The following FHIT variants were observed in gnomAD, a reference collection of about 807,000 sequenced individuals.
The protein encoded by FHIT is bis(5'-adenosyl)-triphosphatase.
FHIT carries 19 observed loss-of-function variants against 17.9 expected under a neutral mutation model. That is an observed-to-expected ratio of 1.06 (90% CI 0.74 to 1.56). The LOEUF (loss-of-function observed/expected upper bound fraction) is 1.56, where lower values mean the gene tolerates loss of function less well. FHIT is among the 40% of genes most tolerant of loss of function. The pLI is 0.00. For missense variants in FHIT, 248 were observed against 189.2 expected (o/e 1.31, Z -1.82); for synonymous variants, 81 against 69.7 (o/e 1.16, Z -0.81).
chr3:59,755,453 G>C (rs1701165989), intron 8 of FHIT, among the ~76,000 whole-genome samples: 1 of 152,210 alleles, frequency 6.6e-6, no homozygotes, highest in Non-Finnish European at 1.5e-5. Context: ...TTCTTGCCTG[G>C]CTAACGGAGA....
intron 4 of FHIT, chr3:60,537,398 C>T (rs767467728): frequency 5.3e-4 from 431 of 814,122 alleles, no homozygotes; most frequent in Non-Finnish European, 6.3e-4. Context: ...TTAAATGCTT[C>T]TCTCAAATGG....
At chr3:60,037,628 C>G (rs749285669) in intron 5 of FHIT, among the ~76,000 whole-genome samples, 2 of 151,930 alleles carry the variant, frequency 1.3e-5, no homozygotes, top group African/African-American at 4.8e-5. Context: ...GTGATCCGCC[C>G]GACTTGGCCT....
chr3:60,356,753 CAAAAAAAAAAAAAAAAAA>C (rs57588436), intron 5 of FHIT, among the ~76,000 whole-genome samples: 1 of 58,680 alleles, frequency 1.7e-5, no homozygotes, highest in Non-Finnish European at 3.0e-5. Context: ...AAGACAGAGA[CAAAAAAAAAAAAAAAAAA>C]AAAAAAAAAC....
intron 5 of FHIT, among the ~76,000 whole-genome samples, chr3:60,268,412 C>A (rs1468358749): frequency 6.6e-6 from 1 of 152,162 alleles, no homozygotes; most frequent in African/African-American, 2.4e-5. Context: ...TTGTTTATGG[C>A]TGTATATCCT....
intron 7 of FHIT, among the ~76,000 whole-genome samples, chr3:60,000,258 T>C (rs1348748468): frequency 6.6e-6 from 1 of 152,226 alleles, no homozygotes; most frequent in Non-Finnish European, 1.5e-5. Flanking sequence ...AAGTCATTAC[T>C]GTGGCAGAGA....
intron 2 of FHIT, among the ~76,000 whole-genome samples, chr3:61,088,589 TG>T (rs2035376764): frequency 6.6e-6 from 1 of 152,104 alleles, no homozygotes; most frequent in Non-Finnish European, 1.5e-5. Flanking sequence ...GAAAATATAT[TG>T]GAAACTGTGC....
intron 5 of FHIT, among the ~76,000 whole-genome samples, chr3:60,502,156 G>A (rs1217738556): frequency 6.6e-6 from 1 of 152,186 alleles, no homozygotes; most frequent in East Asian, 1.9e-4. Flanking sequence ...GGTGTCCCAG[G>A]ACCTTGTTCT....
chr3:60,031,570 G>A (rs913933994), intron 5 of FHIT, among the ~76,000 whole-genome samples: 1 of 151,934 alleles, frequency 6.6e-6, no homozygotes, highest in Non-Finnish European at 1.5e-5. Flanking sequence ...TGCAAAATGG[G>A]GCTTATTTAT....
At chr3:60,321,085 T>C (rs1189991797) in intron 5 of FHIT, among the ~76,000 whole-genome samples, 1 of 152,198 alleles carries the variant, frequency 6.6e-6, no homozygotes, top group African/African-American at 2.4e-5. Flanking sequence ...TTTCTCTCCT[T>C]TGTGGAGGCT....
intron 2 of FHIT, among the ~76,000 whole-genome samples, chr3:61,080,898 G>C (rs980042860): frequency 6.6e-6 from 1 of 151,944 alleles, no homozygotes; most frequent in Non-Finnish European, 1.5e-5. Flanking sequence ...AATCTGCAGA[G>C]AACTCAGAGA....
intron 5 of FHIT, among the ~76,000 whole-genome samples, chr3:60,227,600 G>T (rs992594894): frequency 2.6e-5 from 4 of 152,100 alleles, no homozygotes; most frequent in African/African-American, 9.7e-5. Flanking sequence ...AACAATCAAC[G>T]AACACTGATT....
At chr3:60,494,389 T>C (rs1008209792) in intron 5 of FHIT, among the ~76,000 whole-genome samples, 1 of 152,100 alleles carries the variant, frequency 6.6e-6, no homozygotes, top group Admixed American at 6.5e-5. Flanking sequence ...CATGTTTTGA[T>C]ACAGACATGC....
chr3:61,098,748 G>A (rs1434241692), intron 2 of FHIT, among the ~76,000 whole-genome samples: 4 of 152,106 alleles, frequency 2.6e-5, no homozygotes, highest in Non-Finnish European at 4.4e-5. Flanking sequence ...TTGGCTCTCG[G>A]CTTGACTATT....
intron 3 of FHIT, among the ~76,000 whole-genome samples, chr3:60,878,110 C>T (rs1325161947): frequency 1.3e-5 from 2 of 152,122 alleles, no homozygotes. Flanking sequence ...AGAGCTGAGC[C>T]AGGGCTGTAT....
At chr3:60,861,542 A>T (rs1179520237) in intron 3 of FHIT, among the ~76,000 whole-genome samples, 1 of 151,812 alleles carries the variant, frequency 6.6e-6, no homozygotes, top group Non-Finnish European at 1.5e-5. Flanking sequence ...ATCGCCTCCG[A>T]TTGAGAACCA....
intron 5 of FHIT, among the ~76,000 whole-genome samples, chr3:60,035,617 A>G (rs899070685): frequency 6.6e-6 from 1 of 152,204 alleles, no homozygotes; most frequent in African/African-American, 2.4e-5. Context: ...ACATGGAATC[A>G]TGCAATGAAT....
At chr3:59,953,077 T>TTG (rs1707203658) in intron 7 of FHIT, among the ~76,000 whole-genome samples, 1 of 152,084 alleles carries the variant, frequency 6.6e-6, no homozygotes, top group East Asian at 1.9e-4. Flanking sequence ...CTAGCGTATG[T>TTG]TGTGTCTGTC....
At chr3:61,116,795 A>T (rs1429402059) in intron 2 of FHIT, among the ~76,000 whole-genome samples, 5 of 152,110 alleles carry the variant, frequency 3.3e-5, no homozygotes, top group Non-Finnish European at 1.5e-5. Context: ...TCATCTTACT[A>T]CTCTTGCTGA....
At chr3:60,204,926 T>C (rs2107502131) in intron 5 of FHIT, among the ~76,000 whole-genome samples, 1 of 151,994 alleles carries the variant, frequency 6.6e-6, no homozygotes, top group South Asian at 2.1e-4. Flanking sequence ...ACCCCATTTC[T>C]ACCAAAAAAA....
Sources: allele counts gnomAD v4.1 joint callset (sites outside exome capture counted in the v4.1 genomes callset), GRCh38; gene constraint gnomAD v4.1.1; transcripts MANE v1.5; gene names NCBI Gene and HGNC (gene_info 2026-07-23, HGNC 2026-07-21).